The following PEAK1 variants were observed in gnomAD, a reference collection of about 807,000 sequenced individuals.
The protein encoded by PEAK1 is pseudopodium enriched atypical kinase 1.
In PEAK1, 54 loss-of-function variants were observed where a neutral mutation model predicts 124.7. The ratio of observed to expected loss-of-function variants is 0.43; its 90% confidence interval spans 0.35 to 0.54. The LOEUF (loss-of-function observed/expected upper bound fraction) is 0.54, where lower values mean the gene tolerates loss of function less well. Among genes scored for constraint, PEAK1 ranks in the 20% least tolerant of loss-of-function variants. PEAK1 has a pLI of 0.01. For missense variants in PEAK1, 2,046 were observed against 2,134.5 expected, an observed-to-expected ratio of 0.96 and a Z score of 0.82; for synonymous variants, 719 against 760.0, an observed-to-expected ratio of 0.95 and a Z score of 0.89.
intron 6 of PEAK1, among the ~76,000 whole-genome samples, chr15:77,186,165 T>C (rs1157887362): frequency 1.3e-5 from 2 of 152,196 alleles, no homozygotes; most frequent in East Asian, 3.8e-4. Context: ...ACCAAGAATT[T>C]AAATTAAAAA....
chr15:77,257,111 T>C (rs1438718169), intron 5 of PEAK1, among the ~76,000 whole-genome samples: 1 of 152,190 alleles, frequency 6.6e-6, no homozygotes, highest in Non-Finnish European at 1.5e-5. Flanking sequence ...CACATTTTCT[T>C]AATCCAGTCT....
At chr15:77,396,233 T>G (rs1018518950) in intron 1 of PEAK1, among the ~76,000 whole-genome samples, 1 of 152,006 alleles carries the variant, frequency 6.6e-6, no homozygotes, top group African/African-American at 2.4e-5. Context: ...GCAAGCCTCA[T>G]AGTAGCCTCA....
intron 2 of PEAK1, chr15:77,346,265 T>C (rs1364639179): frequency 1.1e-6 from 1 of 930,404 alleles, no homozygotes; most frequent in Non-Finnish European, 1.3e-6. Flanking sequence ...TAAATGTTGC[T>C]GTCTTGACTC....
chr15:77,181,004 T>A lies in PEAK1; in HGVS notation c.923A>T (p.Asp308Val), dbSNP rs367719772. Residue 308 changes from aspartate (D) to valine (V), a missense_variant, in exon 7 of 10, where the codon GAC becomes GTC. Coordinates refer to ENST00000682557, the MANE Select transcript of PEAK1 (RefSeq NM_001385026.1). ...NKSLQRICAV[D>V]YDDSYDEILN... ...GATTTCATCATAGCTGTCATCATAG[T>A]CCACAGCACAGATTCTCTGCAGAGA... 1 of 1,614,180 alleles carries A rather than the reference T, an allele frequency of 6.2e-7. No homozygotes were observed. The highest frequency in any genetic ancestry group is 2.2e-5 in the East Asian group (1 of 44,878).
At chr15:77,275,800 A>C (rs1234082935) in intron 5 of PEAK1, among the ~76,000 whole-genome samples, 1 of 152,048 alleles carries the variant, frequency 6.6e-6, no homozygotes, top group Non-Finnish European at 1.5e-5. Context: ...GAATTATCTC[A>C]CAAGGATTTT....
At chr15:77,366,732 AT>A (rs2068267121) in intron 1 of PEAK1, among the ~76,000 whole-genome samples, 1 of 151,990 alleles carries the variant, frequency 6.6e-6, no homozygotes, top group South Asian at 2.1e-4. Flanking sequence ...TAATTTTTGT[AT>A]TTTTTGTAGA....
intron 2 of PEAK1, among the ~76,000 whole-genome samples, chr15:77,321,978 C>T (rs1019557909): frequency 1.3e-5 from 2 of 152,172 alleles, no homozygotes; most frequent in Admixed American, 1.3e-4. Context: ...AAGAAACTCA[C>T]TCAAAACCGC....
chr15:77,290,545 G>A (rs2063160290), intron 2 of PEAK1, among the ~76,000 whole-genome samples: 1 of 151,842 alleles, frequency 6.6e-6, no homozygotes, highest in Non-Finnish European at 1.5e-5. Context: ...AAGCCACCTT[G>A]CCCAGCTTCT....
chr15:77,349,876 A>G (rs7182483), intron 2 of PEAK1: 1 of 985,264 alleles, frequency 1.0e-6, no homozygotes, highest in Admixed American at 6.1e-5. Context: ...CAACTGAACA[A>G]TATGGTATCT....
At chr15:77,419,342 A>G in intron 1 of PEAK1, 1 of 985,270 alleles carries the variant, frequency 1.0e-6, no homozygotes, top group Non-Finnish European at 1.2e-6. Flanking sequence ...GCAAGTCCCC[A>G]TCGAAGGAGG....
chr15:77,306,490 G>A lies in PEAK1; in HGVS notation c.-602-19986C>T, dbSNP rs564327125. ...TTCCTATGCCAATCAGAATTAAAGT[G>A]TATTTCTAGTTCCAGAGAAAGAATA... On this transcript the variant is annotated intron_variant, in intron 2 of 9. Coordinates refer to ENST00000682557, the MANE Select transcript of PEAK1 (RefSeq NM_001385026.1). 2.6e-5 allele frequency among the ~76,000 whole-genome samples: 4 copies of A among 152,288 alleles called. No homozygotes were observed. The South Asian group carries it at 8.3e-4, about 32-fold the overall frequency.
rs758624643 is a variant in PEAK1 at position 77,181,523 on chromosome 15, T to C, written c.404A>G (p.Asn135Ser). ...TGACATCTTCTTTGCACTATCATTA[T>C]TGCCATAAGGCTTAGGAACATGGCT... ...GISHVPKPYG[N>S]NDSAKKMSDN... The change falls in exon 7 of 10, where the codon AAT becomes AGT. Residue 135 changes from asparagine (N) to serine (S), a missense_variant. Coordinates refer to ENST00000682557, the MANE Select transcript of PEAK1 (RefSeq NM_001385026.1). The C allele has an allele frequency of 6.2e-7, 1 of 1,614,160 alleles. No individual in the cohort carries two copies. Among genetic ancestry groups the C allele is most frequent in the Non-Finnish European group, 8.5e-7 (1 of 1,180,010 alleles).
intron 5 of PEAK1, among the ~76,000 whole-genome samples, chr15:77,280,026 A>G (rs2062578398): frequency 6.6e-6 from 1 of 152,128 alleles, no homozygotes; most frequent in South Asian, 2.1e-4. Context: ...AACATGTGTT[A>G]AAGCTCACAG....
In PEAK1 at chr15:77,133,332, G is replaced by C; in HGVS notation, c.3750C>G (p.Ser1250Arg). 6.2e-7 allele frequency: 1 copy of C among 1,614,282 alleles called. No homozygotes were observed. The highest frequency in any genetic ancestry group is 8.5e-7 in the Non-Finnish European group (1 of 1,180,048). The change falls in exon 9 of 10, where the codon AGC becomes AGG. Residue 1250 changes from serine (S) to arginine (R), a missense_variant. By Grantham distance (110) the Ser-to-Arg change is moderately radical (BLOSUM62 -1). Transcript: ENST00000682557. The surrounding 1 kb of genome is among the most constrained non-coding windows in gnomAD (Gnocchi z 4.2). ...CACGCCGGCTGGAGAGGGATTCCATGCTGTTGGAAAATCTATCCTTAATAC... is the reference window on the plus strand; with the variant it reads ...CACGCCGGCTGGAGAGGGATTCCATCCTGTTGGAAAATCTATCCTTAATAC... ...TLSIKDRFSN[S>R]MESLSSRRGP... is the part of the protein sequence containing the mutation.
Position 77,179,506 on chromosome 15 carries a change from C to CTTAG in PEAK1, c.2417_2420dup (p.Lys807AsnfsTer2). 1 of 1,614,082 alleles carries CTTAG rather than the reference C, an allele frequency of 6.2e-7. No homozygotes were observed. Among genetic ancestry groups the CTTAG allele is most frequent in the Non-Finnish European group, 8.5e-7 (1 of 1,180,018 alleles). On this transcript the variant is annotated stop_gained and frameshift_variant, in exon 7 of 10. Transcript: ENST00000682557. LOFTEE classifies it high-confidence loss of function. ...GGACTGGCGTACTCTTAGGTGTGCT[C>CTTAG]TTAGCAACATCAGCATCTGGAGGAA...
intron 6 of PEAK1, among the ~76,000 whole-genome samples, chr15:77,211,707 G>T (rs2058913719): frequency 6.6e-6 from 1 of 151,914 alleles, no homozygotes; most frequent in Admixed American, 6.6e-5. Context: ...CATTAGCCAG[G>T]CATGGTGGCA....
At chr15:77,219,676 G>A (rs1164886540) in intron 6 of PEAK1, among the ~76,000 whole-genome samples, 1 of 152,080 alleles carries the variant, frequency 6.6e-6, no homozygotes, top group Non-Finnish European at 1.5e-5. Flanking sequence ...AAAGGGTCGG[G>A]CCTGTGAAGA....
intron 2 of PEAK1, among the ~76,000 whole-genome samples, chr15:77,301,854 T>G (rs1038312671): frequency 1.2e-4 from 19 of 152,198 alleles, no homozygotes; most frequent in African/African-American, 4.6e-4. Context: ...ATGGGAGATT[T>G]ATCTATTCCC....
chr15:77,115,427 G>A, intron 9 of PEAK1, 108 bp from the exon 10 acceptor site: 1 of 1,034,848 alleles, frequency 9.7e-7, no homozygotes, highest in Non-Finnish European at 1.4e-6. Flanking sequence ...CGATCATATA[G>A]TAAAGTTGTT....
Sources: allele counts gnomAD v4.1 joint callset (sites outside exome capture counted in the v4.1 genomes callset), GRCh38; gene constraint gnomAD v4.1.1; non-coding constraint Gnocchi (gnomAD v3.1); transcripts MANE v1.5; gene names NCBI Gene and HGNC (gene_info 2026-07-23, HGNC 2026-07-21).